Variants in MSRA observed in about 807,000 individuals in gnomAD.
MSRA encodes methionine sulfoxide reductase A, also known as mitochondrial peptide methionine sulfoxide reductase.
Under a neutral mutation model 31.3 loss-of-function variants are expected in MSRA, and 54 were observed. That is an observed-to-expected ratio of 1.73 (90% CI 1.39 to 2.17). The LOEUF (loss-of-function observed/expected upper bound fraction) is 2.17, where lower values mean the gene tolerates loss of function less well. MSRA is among the 30% of genes most tolerant of loss of function. The probability of loss-of-function intolerance (pLI) is 0.00; values close to 1 mark genes in which losing one functional copy is unlikely to be tolerated. For missense variants in MSRA, 507 were observed against 300.9 expected, an observed-to-expected ratio of 1.69 and a Z score of -5.07; for synonymous variants, 169 against 116.5, an observed-to-expected ratio of 1.45 and a Z score of -2.90.
chr8:10,345,696 A>G (rs1209114809), intron 5 of MSRA, among the ~76,000 whole-genome samples: 1 of 152,208 alleles, frequency 6.6e-6, no homozygotes, highest in African/African-American at 2.4e-5. Context: ...AAATAATTAC[A>G]TTATGAGAAG....
chr8:10,128,706 A>T (rs542396060), intron 1 of MSRA, among the ~76,000 whole-genome samples: 79 of 152,334 alleles, frequency 5.2e-4, no homozygotes, highest in Admixed American at 5.9e-4. Flanking sequence ...CAGCAGCTAC[A>T]GTAGTGTATC....
At chr8:10,063,552 C>T (rs560547546) in intron 1 of MSRA, among the ~76,000 whole-genome samples, 1 of 152,206 alleles carries the variant, frequency 6.6e-6, no homozygotes, top group East Asian at 1.9e-4. Context: ...TGTTGAAATC[C>T]TCACCCCCCC....
At chr8:10,366,036 C>T (rs866694468) in intron 5 of MSRA, among the ~76,000 whole-genome samples, 2 of 152,200 alleles carry the variant, frequency 1.3e-5, no homozygotes, top group African/African-American at 2.4e-5. Context: ...GACAGATAGG[C>T]AGGAAGTGAT....
chr8:10,212,176 G>A (rs1422261968), intron 2 of MSRA, among the ~76,000 whole-genome samples: 1 of 150,952 alleles, frequency 6.6e-6, no homozygotes, highest in Admixed American at 6.6e-5. Context: ...AACAGAGCGA[G>A]ACTCTGTCTA....
chr8:10,300,550 C>G (rs1800787970), intron 3 of MSRA, among the ~76,000 whole-genome samples: 1 of 152,046 alleles, frequency 6.6e-6, no homozygotes, highest in South Asian at 2.1e-4. Flanking sequence ...ACCACCACAC[C>G]CAGCTAATTT....
intron 3 of MSRA, among the ~76,000 whole-genome samples, chr8:10,297,542 C>T (rs1365242116): frequency 1.3e-5 from 2 of 152,132 alleles, no homozygotes; most frequent in Non-Finnish European, 2.9e-5. Flanking sequence ...TAGCCTAGCA[C>T]GTTGGCTGGT....
intron 2 of MSRA, among the ~76,000 whole-genome samples, chr8:10,227,528 G>C (rs982354566): frequency 2.8e-4 from 43 of 152,160 alleles, no homozygotes; most frequent in Non-Finnish European, 1.0e-4. Context: ...TCTGATTCTT[G>C]ACCCCTCTTG....
intron 1 of MSRA, among the ~76,000 whole-genome samples, chr8:10,167,858 C>T (rs1487442524): frequency 1.3e-5 from 2 of 152,116 alleles, no homozygotes; most frequent in African/African-American, 4.8e-5. Flanking sequence ...TACCCCCACC[C>T]CTAAGGAAAA....
At chr8:10,345,138 A>T (rs991143470) in intron 5 of MSRA, among the ~76,000 whole-genome samples, 1 of 152,162 alleles carries the variant, frequency 6.6e-6, no homozygotes, top group Non-Finnish European at 1.5e-5. Context: ...CCAAGAGCTT[A>T]TCAAGCCTCT....
intron 5 of MSRA, among the ~76,000 whole-genome samples, chr8:10,362,077 C>T (rs1804882534): frequency 6.6e-6 from 1 of 152,156 alleles, no homozygotes; most frequent in Admixed American, 6.5e-5. Flanking sequence ...GGTTCCCATT[C>T]CAACTTTGCC....
intron 3 of MSRA, among the ~76,000 whole-genome samples, chr8:10,280,847 C>G (rs1046047557): frequency 3.3e-5 from 5 of 152,324 alleles, no homozygotes; most frequent in Non-Finnish European, 7.3e-5. Flanking sequence ...ACTACTAATG[C>G]ACACAACAAC....
chr8:10,241,751 C>A (rs963645179), intron 2 of MSRA, among the ~76,000 whole-genome samples: 1 of 142,856 alleles, frequency 7.0e-6, no homozygotes, highest in African/African-American at 2.4e-5. Flanking sequence ...ATCCATAGCC[C>A]CACCTCTAGT....
intron 5 of MSRA, among the ~76,000 whole-genome samples, chr8:10,422,099 A>T (rs1277061200): frequency 6.6e-6 from 1 of 152,166 alleles, no homozygotes; most frequent in Non-Finnish European, 1.5e-5. Flanking sequence ...TGGACAACAT[A>T]TAGGGAGACA....
chr8:10,421,319 G>C lies in MSRA; in HGVS notation c.544-6829G>C, dbSNP rs540305795. 6.0e-4 allele frequency among the ~76,000 whole-genome samples: 92 copies of C among 152,244 alleles called. 1 individual carries two copies. Among genetic ancestry groups the C allele is most frequent in the African/African-American group, 2.1e-3 (88 of 41,542 alleles). On this transcript the variant is annotated intron_variant, in intron 5 of 5. Transcript: ENST00000317173. The stretch of plus-strand genomic sequence containing the variant: ...ACAGGAATAAGAAGCCTACATTTTA[G>C]TCAATGGAAGGTTCACGTGAATAGA...
chr8:10,080,622 C>G (rs970857124), intron 1 of MSRA, among the ~76,000 whole-genome samples: 1 of 151,936 alleles, frequency 6.6e-6, no homozygotes, highest in African/African-American at 2.4e-5. Context: ...AACTTCTGGG[C>G]TCACGCAATC....
chr8:10,119,650 G>A (rs927135718), intron 1 of MSRA, among the ~76,000 whole-genome samples: 1 of 152,212 alleles, frequency 6.6e-6, no homozygotes, highest in Non-Finnish European at 1.5e-5. Flanking sequence ...GAGTGATCAA[G>A]TACAGCATGT....
At chr8:10,070,343 GT>G (rs1308801903) in intron 1 of MSRA, among the ~76,000 whole-genome samples, 1 of 152,196 alleles carries the variant, frequency 6.6e-6, no homozygotes, top group Non-Finnish European at 1.5e-5. Flanking sequence ...GGGTTACAAA[GT>G]TTTAGCACCT....
chr8:10,194,067 A>G (rs773213533), intron 1 of MSRA, among the ~76,000 whole-genome samples: 46 of 152,206 alleles, frequency 3.0e-4, no homozygotes, highest in Non-Finnish European at 4.9e-4. Flanking sequence ...AAAGGATGAG[A>G]GGGAAGAGGG....
At chr8:10,365,233 T>C (rs1684197918) in intron 5 of MSRA, among the ~76,000 whole-genome samples, 1 of 151,720 alleles carries the variant, frequency 6.6e-6, no homozygotes, top group South Asian at 2.1e-4. Flanking sequence ...CAGAGTACTG[T>C]TCTTAATTTC....
Sources: gnomAD v4.1 joint callset for allele counts (sites outside exome capture counted in the v4.1 genomes callset) on GRCh38, gnomAD v4.1.1 for gene constraint, MANE v1.5 for transcripts, NCBI Gene and HGNC (gene_info 2026-07-23, HGNC 2026-07-21) for gene names.